Variants in DOK6 observed in about 807,000 individuals in gnomAD.
DOK6 encodes the protein docking protein 6.
DOK6 carries 22 observed loss-of-function variants against 44.0 expected under a neutral mutation model. That is an observed-to-expected ratio of 0.50 (90% confidence interval 0.36 to 0.71). The LOEUF is 0.71. DOK6 is among the 30% of genes least tolerant of loss of function. The pLI is 0.00. For synonymous variants in DOK6, 166 were observed against 145.5 expected (o/e 1.14, Z -1.01); for missense variants, 340 against 416.4 (o/e 0.82, Z 1.60).
chr18:69,762,640 T>C lies in DOK6; in HGVS notation c.856+4767T>C, dbSNP rs547300546. Among the ~76,000 whole-genome samples, 15 of 152,286 alleles carry C rather than the reference T, an allele frequency of 9.8e-5. No homozygotes were observed. In the South Asian group the frequency reaches 2.7e-3, roughly 27 times the overall value. ...CATTCAGAAAACAAAAGCAGAAAAC[T>C]TTCATATATTTAAAGTTTAAGAGAT... On this transcript the variant is annotated intron_variant, in intron 7 of 7. Transcript: ENST00000382713.
At chr18:69,617,417 A>C (rs954210351) in intron 3 of DOK6, among the ~76,000 whole-genome samples, 3 of 149,896 alleles carry the variant, frequency 2.0e-5, no homozygotes, top group Non-Finnish European at 4.4e-5. Context: ...CGATAGGAGA[A>C]AAGAAAAAGA....
chr18:69,822,313 C>T (rs1981596796), intron 7 of DOK6, among the ~76,000 whole-genome samples: 1 of 152,178 alleles, frequency 6.6e-6, no homozygotes, highest in Non-Finnish European at 1.5e-5. Flanking sequence ...AACAAATTAG[C>T]CTGCCACAGT....
intron 5 of DOK6, among the ~76,000 whole-genome samples, chr18:69,716,556 C>T (rs1295031895): frequency 6.6e-6 from 1 of 152,096 alleles, no homozygotes; most frequent in Admixed American, 6.5e-5. Context: ...ACCGTGTACA[C>T]ACTGCTTTTC....
chr18:69,447,411 T>C (rs1979327338), intron 1 of DOK6, among the ~76,000 whole-genome samples: 2 of 151,962 alleles, frequency 1.3e-5, no homozygotes, highest in African/African-American at 4.8e-5. Context: ...TCCATTGGTC[T>C]ATATCTCTGT....
At chr18:69,703,304 G>A (rs1179426222) in intron 5 of DOK6, among the ~76,000 whole-genome samples, 2 of 152,022 alleles carry the variant, frequency 1.3e-5, no homozygotes, top group African/African-American at 2.4e-5. Context: ...AAATCTTTTT[G>A]TGGCACCAGA....
intron 3 of DOK6, among the ~76,000 whole-genome samples, chr18:69,663,603 G>C (rs2144674037): frequency 6.6e-6 from 1 of 152,298 alleles, no homozygotes; most frequent in East Asian, 1.9e-4. Context: ...CTAAGAAATT[G>C]TGGAGATGCA....
intron 6 of DOK6, among the ~76,000 whole-genome samples, chr18:69,750,344 A>T (rs1466899098): frequency 6.6e-6 from 1 of 152,104 alleles, no homozygotes; most frequent in African/African-American, 2.4e-5. Flanking sequence ...AGAACCATAG[A>T]ACAGTCAGAA....
At chr18:69,687,641 C>T (rs1037099187) in intron 4 of DOK6, among the ~76,000 whole-genome samples, 1 of 152,156 alleles carries the variant, frequency 6.6e-6, no homozygotes, top group Non-Finnish European at 1.5e-5. Flanking sequence ...ACAATCACGC[C>T]ACTGCACTGC....
At chr18:69,754,382 G>A (rs1205711304) in intron 6 of DOK6, among the ~76,000 whole-genome samples, 6 of 149,994 alleles carry the variant, frequency 4.0e-5, no homozygotes, top group Non-Finnish European at 7.4e-5. Context: ...GTTATCAAGA[G>A]TGCTTGAAAT....
chr18:69,559,181 C>T (rs183322345), intron 1 of DOK6, among the ~76,000 whole-genome samples: 128 of 152,200 alleles, frequency 8.4e-4, no homozygotes, highest in Middle Eastern at 3.4e-3. Context: ...TGAGTGCCTA[C>T]ATAGAAATAT....
chr18:69,649,391 C>A (rs1334880495), intron 3 of DOK6, among the ~76,000 whole-genome samples: 1 of 152,192 alleles, frequency 6.6e-6, no homozygotes, highest in Non-Finnish European at 1.5e-5. Context: ...ATGGACTAGA[C>A]TTCCACAAAT....
At chr18:69,496,915 A>G (rs530515821) in intron 1 of DOK6, among the ~76,000 whole-genome samples, 2 of 152,328 alleles carry the variant, frequency 1.3e-5, no homozygotes, top group Non-Finnish European at 2.9e-5. Flanking sequence ...AATAATATGG[A>G]GTCAGGAATG....
intron 3 of DOK6, among the ~76,000 whole-genome samples, chr18:69,612,596 TTTG>T (rs1984185808): frequency 2.0e-5 from 1 of 49,580 alleles, no homozygotes; most frequent in Non-Finnish European, 4.4e-5. Flanking sequence ...GTTCTCCTGC[TTTG>T]TTCCCCCTCA....
At chr18:69,733,638 T>G (rs1978493854) in intron 5 of DOK6, among the ~76,000 whole-genome samples, 2 of 152,212 alleles carry the variant, frequency 1.3e-5, no homozygotes, top group South Asian at 4.1e-4. Context: ...TTCCTCCTAT[T>G]TAACTGAAAT....
intron 5 of DOK6, among the ~76,000 whole-genome samples, chr18:69,736,334 A>G (rs1978606565): frequency 6.6e-6 from 1 of 152,126 alleles, no homozygotes; most frequent in Admixed American, 6.6e-5. Flanking sequence ...AAAAACAAAG[A>G]AAATTCTGGA....
intron 1 of DOK6, among the ~76,000 whole-genome samples, chr18:69,537,662 A>T (rs550835592): frequency 2.0e-4 from 31 of 152,194 alleles, no homozygotes; most frequent in African/African-American, 7.2e-4. Flanking sequence ...TTTTACACAA[A>T]TATGCAAACT....
chr18:69,415,790 G>A (rs1328517972), intron 1 of DOK6, among the ~76,000 whole-genome samples: 3 of 151,882 alleles, frequency 2.0e-5, no homozygotes, highest in African/African-American at 7.3e-5. Flanking sequence ...ACAAAAGAGA[G>A]GTCAAAAATA....
Position 69,759,277 on chromosome 18 carries a change from T to C in DOK6, c.856+1404T>C, listed in dbSNP as rs116667391. Among the ~76,000 whole-genome samples the C allele has an allele frequency of 4.5e-3, 685 of 152,324 alleles. 4 individuals carry two copies. Among genetic ancestry groups the C allele is most frequent in the African/African-American group, 0.015 (609 of 41,574 alleles). On this transcript the variant is annotated intron_variant, in intron 7 of 7. Transcript: ENST00000382713. ...CCACACACTCAAATTGCCTGAGTCA[T>C]GATCATGCAAAATTAACCTTGCCTA...
intron 7 of DOK6, among the ~76,000 whole-genome samples, chr18:69,775,588 A>T (rs996591712): frequency 1.3e-5 from 2 of 151,864 alleles, no homozygotes; most frequent in African/African-American, 2.4e-5. Context: ...GGAAATTTTT[A>T]AATTAATGTA....
Sources: allele counts gnomAD v4.1 joint callset (sites outside exome capture counted in the v4.1 genomes callset), GRCh38; gene constraint gnomAD v4.1.1; transcripts MANE v1.5; gene names NCBI Gene and HGNC (gene_info 2026-07-23, HGNC 2026-07-21).